SEPTIN11: variants seen among roughly 807,000 people sequenced by gnomAD.
SEPTIN11 encodes septin-11.
SEPTIN11 carries 25 observed loss-of-function variants against 51.4 expected under a neutral mutation model. The ratio of observed to expected loss-of-function variants is 0.49; its 90% CI spans 0.35 to 0.68. SEPTIN11 has a LOEUF of 0.68. Among genes scored for constraint, SEPTIN11 ranks in the 30% least tolerant of loss-of-function variants. The probability of loss-of-function intolerance (pLI) is 0.00; values close to 1 mark genes in which losing one functional copy is unlikely to be tolerated. For missense variants in SEPTIN11, 381 were observed against 520.8 expected, an observed-to-expected ratio of 0.73 and a Z score of 2.61; for synonymous variants, 174 against 184.1, an observed-to-expected ratio of 0.95 and a Z score of 0.44.
intron 1 of SEPTIN11, among the ~76,000 whole-genome samples, chr4:76,983,378 G>A (rs1722865886): frequency 1.3e-5 from 2 of 152,190 alleles, no homozygotes. Context: ...AAGGAGAGAA[G>A]GCCCTCAGTC....
At chr4:76,970,441 A>G (rs925046900) in intron 1 of SEPTIN11, among the ~76,000 whole-genome samples, 2 of 152,244 alleles carry the variant, frequency 1.3e-5, no homozygotes, top group African/African-American at 4.8e-5. Context: ...TTAGTCAGAA[A>G]ACATTACTGT....
chr4:77,020,650 C>A lies in SEPTIN11; in HGVS notation c.933C>A (p.Asp311Glu). 3 of 1,614,070 alleles carry A rather than the reference C, an allele frequency of 1.9e-6. No homozygotes were observed. Among genetic ancestry groups the A allele is most frequent in the Non-Finnish European group, 2.5e-6 (3 of 1,179,982 alleles). ...AAGAGATGGGGTTCAAGGACACTGA[C>A]CCTGACAGCAAACCCTTCAGGTATG... Reference protein sequence around the residue: ...KLEEMGFKDTDPDSKPFSLQE... With the variant: ...KLEEMGFKDTEPDSKPFSLQE... Residue 311 changes from aspartate to glutamate, a missense_variant, in exon 7 of 10, where the codon GAC (aspartate) becomes GAA (glutamate). By Grantham distance (45) the Asp-to-Glu change is conservative. Transcript: ENST00000264893.
chr4:77,036,073 T>C lies in SEPTIN11; in HGVS notation c.*1561T>C. ...CATTTTGATTTCAGCAAAGATTTTT[T>C]CTCCTTTTCTTTGTCCTCAACCATA... is the stretch of plus-strand genomic sequence containing the variant. On this transcript the variant is annotated 3_prime_UTR_variant, in exon 10 of 10. Coordinates refer to ENST00000264893, the MANE Select transcript of SEPTIN11 (RefSeq NM_018243.4). 2.0e-6 allele frequency: 2 copies of C among 985,960 alleles called. No individual in the cohort carries two copies. The highest frequency in any genetic ancestry group is 2.4e-6 in the Non-Finnish European group (2 of 829,998). 61.1% of individuals were successfully genotyped at this position (985,960 alleles called of 1,614,324 possible).
intron 9 of SEPTIN11, 54 bp downstream of exon 9, chr4:77,031,024 G>A: frequency 6.7e-7 from 1 of 1,490,288 alleles, no homozygotes; most frequent in Non-Finnish European, 9.1e-7. Context: ...TATTCCTCTT[G>A]CATGTCTCTA....
intron 1 of SEPTIN11, 30 bp from the exon 2 acceptor site, chr4:76,996,395 C>T (rs1383608882): frequency 6.9e-7 from 1 of 1,454,896 alleles, no homozygotes; most frequent in African/African-American, 1.4e-5. Context: ...GGTTCATGGA[C>T]ACTCAAATCT....
At chr4:76,954,358 A>G (rs1721471209) in intron 1 of SEPTIN11, among the ~76,000 whole-genome samples, 1 of 152,246 alleles carries the variant, frequency 6.6e-6, no homozygotes, top group Non-Finnish European at 1.5e-5. Context: ...ACCTGTCTCA[A>G]ATGGGGTTAG....
intron 7 of SEPTIN11, among the ~76,000 whole-genome samples, chr4:77,022,826 G>A (rs1252141280): frequency 6.6e-6 from 1 of 152,014 alleles, no homozygotes; most frequent in African/African-American, 2.4e-5. Context: ...AAGAGTCTAT[G>A]ATGCTATCCT....
intron 1 of SEPTIN11, among the ~76,000 whole-genome samples, chr4:76,975,878 T>C (rs1020368596): frequency 6.6e-6 from 1 of 152,220 alleles, no homozygotes; most frequent in Non-Finnish European, 1.5e-5. Flanking sequence ...GTAAGCACTT[T>C]TGTTATTTTG....
At chr4:77,015,753 A>G (rs1300141605) in intron 5 of SEPTIN11, among the ~76,000 whole-genome samples, 1 of 152,238 alleles carries the variant, frequency 6.6e-6, no homozygotes, top group Non-Finnish European at 1.5e-5. Context: ...CAAAGTAGTA[A>G]AGGCTCTAGA....
In SEPTIN11 at chr4:77,035,484, T is replaced by C. The variant is rs1726963261; in HGVS notation, c.*972T>C. On this transcript the variant is annotated 3_prime_UTR_variant, in exon 10 of 10. Coordinates refer to ENST00000264893, the MANE Select transcript of SEPTIN11 (RefSeq NM_018243.4). ...CCACAGATACTTCCCTTAGAAAATT[T>C]GCTATAAACTCTGTATCATTGGTAG... 1.0e-5 allele frequency: 10 copies of C among 985,318 alleles called. No individual in the cohort carries two copies. The South Asian group carries it at 3.8e-4, about 37-fold the overall frequency. 61.0% of individuals were successfully genotyped at this position (985,318 alleles called of 1,614,324 possible).
chr4:77,026,132 T>C (rs1726126355), intron 7 of SEPTIN11, among the ~76,000 whole-genome samples: 1 of 152,178 alleles, frequency 6.6e-6, no homozygotes. Context: ...TAAGATGGCT[T>C]GTGGTTGGGA....
intron 1 of SEPTIN11, among the ~76,000 whole-genome samples, chr4:76,975,593 A>G (rs1027184205): frequency 1.3e-5 from 2 of 152,230 alleles, no homozygotes; most frequent in Non-Finnish European, 2.9e-5. Flanking sequence ...GTCTGACTTA[A>G]TGGACAGCTG....
intron 6 of SEPTIN11, among the ~76,000 whole-genome samples, chr4:77,019,547 C>A (rs1725546379): frequency 6.6e-6 from 1 of 152,130 alleles, no homozygotes; most frequent in Admixed American, 6.5e-5. Flanking sequence ...AATAGTTCTT[C>A]CCTAGGAGTT....
At position 77,037,785 on chromosome 4, in the gene SEPTIN11, G is replaced by T. The variant is rs1178574909; in HGVS notation, c.*3273G>T. 2 of 985,704 alleles carry T rather than the reference G, an allele frequency of 2.0e-6. No homozygotes were observed. The highest frequency in any genetic ancestry group is 2.3e-4 in the East Asian group (2 of 8,830). 61.1% of individuals were successfully genotyped at this position (985,704 alleles called of 1,614,324 possible). ...TTCAGATTGTGTTTTCCCAACTTAG[G>T]CTCTTTATTAATTGGTTAAGGTTTT... On this transcript the variant is annotated 3_prime_UTR_variant, in exon 10 of 10. Transcript: ENST00000264893.
intron 1 of SEPTIN11, among the ~76,000 whole-genome samples, chr4:76,970,683 A>C (rs1423740959): frequency 6.6e-6 from 1 of 152,204 alleles, no homozygotes; most frequent in South Asian, 2.1e-4. Flanking sequence ...CTCAGACCAT[A>C]CTAGTTGGAT....
chr4:77,012,491 C>G (rs191550790), intron 4 of SEPTIN11, among the ~76,000 whole-genome samples: 1 of 152,120 alleles, frequency 6.6e-6, no homozygotes, highest in Non-Finnish European at 1.5e-5. Flanking sequence ...ATTAGACTTT[C>G]CATTTTGAAA....
rs1727004983 is a variant in SEPTIN11, at chr4:77,036,093, A to AG, written c.*1581_*1582insG. 2 of 985,800 alleles carry AG rather than the reference A, an allele frequency of 2.0e-6. No individual in the cohort carries two copies. The highest frequency in any genetic ancestry group is 3.5e-5 in the African/African-American group (2 of 57,232). The allele number at this position is 985,800 out of a possible 1,614,324, so 61.1% of individuals were successfully genotyped here. A position where few individuals can be genotyped will look rare whatever the true frequency, so the allele number is the denominator to read the frequency against. ...TTTTTTCTCCTTTTCTTTGTCCTCA[A>AG]CCATACTTAGAGGAAAGAAGGAATG... On this transcript the variant is annotated 3_prime_UTR_variant, in exon 10 of 10. Coordinates refer to ENST00000264893, the MANE Select transcript of SEPTIN11 (RefSeq NM_018243.4).
At chr4:76,979,705 G>A (rs1722669807) in intron 1 of SEPTIN11, among the ~76,000 whole-genome samples, 1 of 152,036 alleles carries the variant, frequency 6.6e-6, no homozygotes, top group South Asian at 2.1e-4. Flanking sequence ...CCAACATGAT[G>A]AAACCCCGTC....
chr4:77,026,979 TA>T (rs1192655007), intron 7 of SEPTIN11, among the ~76,000 whole-genome samples: 2 of 152,228 alleles, frequency 1.3e-5, no homozygotes, highest in African/African-American at 2.4e-5. Flanking sequence ...AGCATGTTTT[TA>T]TCTTATAAGA....
Sources: gnomAD v4.1 joint callset for allele counts (sites outside exome capture counted in the v4.1 genomes callset) on GRCh38, gnomAD v4.1.1 for gene constraint, MANE v1.5 for transcripts, NCBI Gene and HGNC (gene_info 2026-07-23, HGNC 2026-07-21) for gene names.